CDHR1: variants seen among roughly 807,000 people sequenced by gnomAD.
CDHR1 encodes cadherin related family member 1.
Under a neutral mutation model 72.1 loss-of-function variants are expected in CDHR1, and 61 were observed. That is an observed-to-expected ratio of 0.85 (90% confidence interval 0.69 to 1.05). The LOEUF (loss-of-function observed/expected upper bound fraction) is 1.05. Ranked by LOEUF, CDHR1 falls within the 50% of genes least tolerant of loss-of-function variation. The probability of loss-of-function intolerance (pLI) is 0.00; values close to 1 mark genes in which losing one functional copy is unlikely to be tolerated. For synonymous variants in CDHR1, 470 were observed against 448.1 expected, an observed-to-expected ratio of 1.05 and a Z score of -0.62; for missense variants, 1,186 against 1,115.7, an observed-to-expected ratio of 1.06 and a Z score of -0.90.
At chr10:84,197,752 T>C in intron 3 of CDHR1, 34 bp from the exon 4 acceptor site, 1 of 1,605,324 alleles carries the variant, frequency 6.2e-7, no homozygotes, top group Non-Finnish European at 8.5e-7. Context: ...CGTGTCAGAC[T>C]CCTGGACACT....
In CDHR1 at chr10:84,216,450, G is replaced by T. The variant is rs1842427481; in HGVS notation, c.*1829G>T. On this transcript the variant is annotated 3_prime_UTR_variant, in exon 17 of 17. Coordinates refer to ENST00000623527, the MANE Select transcript of CDHR1 (RefSeq NM_033100.4). ...GCTGGATCATGCTTGCCCTCCACAG[G>T]GAATACAGCATCCTTACAGCTTGCA... is the stretch of plus-strand genomic sequence containing the variant. 1.0e-6 allele frequency: 1 copy of T among 985,330 alleles called. No homozygotes were observed. Among genetic ancestry groups the T allele is most frequent in the Non-Finnish European group, 1.2e-6 (1 of 829,948 alleles). 61.0% of individuals were successfully genotyped at this position (985,330 alleles called of 1,614,324 possible). A position where few individuals can be genotyped will look rare whatever the true frequency, so the allele number is the denominator to read the frequency against.
rs147597566 is a variant in CDHR1, at chr10:84,196,590, C to A, written c.237C>A (p.Ser79Arg). 10 of 1,614,194 alleles carry A rather than the reference C, an allele frequency of 6.2e-6. No individual in the cohort carries two copies. Among genetic ancestry groups the A allele is most frequent in the Middle Eastern group, 1.6e-4 (1 of 6,062 alleles). Residue 79 changes from serine to arginine, a missense_variant, in exon 3 of 17, where the codon AGC (serine) becomes AGA (arginine). Ser to Arg is a moderately radical substitution (Grantham distance 110). Transcript: ENST00000623527. ...TCAGCTTTGACCCCAGCACTAGAAG[C>A]GTCTTTTCTGTTGACCCCACTTTTG... ...YHISFDPSTRSVFSVDPTFGN... is the reference protein window; with the variant it reads ...YHISFDPSTRRVFSVDPTFGN...
At chr10:84,219,593 A>G (rs573849811), downstream of CDHR1, 7 of 248,576 alleles carry the variant, frequency 2.8e-5, no homozygotes, top group South Asian at 1.1e-3. Flanking sequence ...TAATAAAGAT[A>G]CCCGAGACTG....
rs761331390 is a variant in CDHR1, at chr10:84,196,529, G to A, written c.176G>A (p.Gly59Glu). Residue 59 changes from glycine (G) to glutamate (E), a missense_variant, in exon 3 of 17, where the codon GGG (glycine) becomes GAG (glutamate). Physicochemically the swap from Gly to Glu is moderately conservative, Grantham distance 98 (BLOSUM62 -2). Coordinates refer to ENST00000623527, the MANE Select transcript of CDHR1 (RefSeq NM_033100.4). ...PVGSHVYTLN[G>E]TDPEGDPISY... ...GGCTCTCACGTATACACCCTGAATG[G>A]GACAGACCCTGAGGGAGACCCCATC... 3 of 1,614,174 alleles carry A rather than the reference G, an allele frequency of 1.9e-6. No individual in the cohort carries two copies. The highest frequency in any genetic ancestry group is 4.5e-5 in the East Asian group (2 of 44,888).
chr10:84,198,225 C>T (rs961838802), intron 4 of CDHR1, among the ~76,000 whole-genome samples: 3 of 152,330 alleles, frequency 2.0e-5, no homozygotes, highest in Admixed American at 2.0e-4. Flanking sequence ...CTCAACAAAC[C>T]CCAGGGGCTC....
rs1322066674 is a variant in CDHR1 at position 84,214,373 on chromosome 10, T to G, written c.2332T>G (p.Cys778Gly). 1 of 1,614,116 alleles carries G rather than the reference T, an allele frequency of 6.2e-7. No individual in the cohort carries two copies. Among genetic ancestry groups the G allele is most frequent in the Admixed American group, 1.7e-5 (1 of 60,026 alleles). Residue 778 changes from cysteine to glycine, a missense_variant, in exon 17 of 17, where the codon TGT becomes GGT. Transcript: ENST00000623527. ...CAAAGAGAAACCTCCCAATGAGAAC[T>G]GTAACAACAACAGCCCAGAAAGCTC... is the stretch of plus-strand genomic sequence containing the variant. ...MLKEKPPNEN[C>G]NNNSPESSLL...
At chr10:84,195,001 T>C (rs2132783400) in intron 1 of CDHR1, among the ~76,000 whole-genome samples, 186 bp downstream of exon 1, 1 of 151,640 alleles carries the variant, frequency 6.6e-6, no homozygotes, top group East Asian at 2.0e-4. Flanking sequence ...GGTAGCGGAG[T>C]AGTGGGGAGC....
In CDHR1 at chr10:84,197,805, C is replaced by G; in HGVS notation, c.317C>G (p.Ala106Gly). 1 of 1,614,036 alleles carries G rather than the reference C, an allele frequency of 6.2e-7. No homozygotes were observed. The highest frequency in any genetic ancestry group is 1.1e-5 in the South Asian group (1 of 91,082). ...TCACAGAGGGAAGATGAGATTGAAG[C>G]CATCATCAGCATTTCTGATGGCCTG... ...LDREREDEIE[A>G]IISISDGLNL... The change falls in exon 4 of 17, where the codon GCC becomes GGC. Residue 106 changes from alanine to glycine, a missense_variant. Ala to Gly is a moderately conservative substitution (Grantham distance 60). Transcript: ENST00000623527.
At position 84,216,401 on chromosome 10, in the gene CDHR1, G is replaced by C. The variant is rs1842426870; in HGVS notation, c.*1780G>C. 3 of 985,402 alleles carry C rather than the reference G, an allele frequency of 3.0e-6. No homozygotes were observed. Among genetic ancestry groups the C allele is most frequent in the African/African-American group, 1.7e-5 (1 of 57,254 alleles). 61.0% of individuals were successfully genotyped at this position (985,402 alleles called of 1,614,324 possible). A position where few individuals can be genotyped will look rare whatever the true frequency, so the allele number is the denominator to read the frequency against. On this transcript the variant is annotated 3_prime_UTR_variant, in exon 17 of 17. Transcript: ENST00000623527. ...AGACTGAGCAAATAAGTACTTTCCAGCCTGTGTTTCAGGAGAGGACTGTGC... is the reference window on the plus strand; with the variant it reads ...AGACTGAGCAAATAAGTACTTTCCACCCTGTGTTTCAGGAGAGGACTGTGC...
At chr10:84,219,122 C>T (rs1842470561), downstream of CDHR1, 1 of 1,432,702 alleles carries the variant, frequency 7.0e-7, no homozygotes, top group Non-Finnish European at 9.6e-7. Context: ...TTCCCTGGTA[C>T]AACAAAGTCA....
Position 84,214,112 on chromosome 10 carries a change from C to T in CDHR1, c.2071C>T (p.Leu691=), listed in dbSNP as rs961395220. ...TLSRSPMAAF[L]IQTKDNPMKA... ...CTCCCGGAGCCCCATGGCTGCCTTC[C>T]TGATACAGACCAAGGACAACCCCAT... Residue 691 remains leucine (L), a synonymous_variant, in exon 17 of 17, where the codon CTG becomes TTG. Coordinates refer to ENST00000623527, the MANE Select transcript of CDHR1 (RefSeq NM_033100.4). 6.2e-7 allele frequency: 1 copy of T among 1,614,094 alleles called. No homozygotes were observed.
intron 11 of CDHR1, 92 bp from the exon 12 acceptor site, chr10:84,208,636 CA>C: frequency 7.6e-7 from 1 of 1,321,896 alleles, no homozygotes; most frequent in Non-Finnish European, 1.1e-6. Context: ...TAATATCTCC[CA>C]GGGTTAAGGG....
chr10:84,218,966 G>T, downstream of CDHR1: 1 of 562,616 alleles, frequency 1.8e-6, no homozygotes, highest in Admixed American at 3.7e-5. Flanking sequence ...AACTTTGTAT[G>T]TTAAAAAAAA....
rs1842366382 is a variant in CDHR1 at position 84,213,155 on chromosome 10, C to T, written c.1847C>T (p.Pro616Leu). The change falls in exon 16 of 17, where the codon CCC (proline) becomes CTC (leucine). Residue 616 changes from proline (P) to leucine (L), a missense_variant. Coordinates refer to ENST00000623527, the MANE Select transcript of CDHR1 (RefSeq NM_033100.4). ...LVDYSITHAE[P>L]ANVFDINSHT... The stretch of plus-strand genomic sequence containing the variant: ...GACTATTCCATCACCCATGCAGAGC[C>T]CGCCAACGTGTTCGACATCAATTCC... 3.1e-6 allele frequency: 5 copies of T among 1,614,218 alleles called. No individual in the cohort carries two copies. The highest frequency in any genetic ancestry group is 4.2e-6 in the Non-Finnish European group (5 of 1,180,044).
chr10:84,209,710 A>G (rs1205567282), intron 12 of CDHR1, among the ~76,000 whole-genome samples: 1 of 152,172 alleles, frequency 6.6e-6, no homozygotes, highest in African/African-American at 2.4e-5. Context: ...AAGTTAATGC[A>G]CAAAATCCAG....
chr10:84,197,530 C>T (rs1026951836), intron 3 of CDHR1, among the ~76,000 whole-genome samples: 9 of 152,174 alleles, frequency 5.9e-5, no homozygotes, highest in Non-Finnish European at 1.0e-4. Context: ...GTTGGAGCCC[C>T]AACAGACCCT....
At chr10:84,197,427 G>A (rs145567154) in intron 3 of CDHR1, among the ~76,000 whole-genome samples, 8 of 152,280 alleles carry the variant, frequency 5.3e-5, no homozygotes, top group African/African-American at 9.6e-5. Context: ...GAGAAAAGGG[G>A]AGAAAAGGGA....
In CDHR1 at chr10:84,211,147, C is replaced by A; in HGVS notation, c.1467C>A (p.Ser489=). 6.2e-7 allele frequency: 1 copy of A among 1,614,220 alleles called. No individual in the cohort carries two copies. Among genetic ancestry groups the A allele is most frequent in the South Asian group, 1.1e-5 (1 of 91,092 alleles). The change falls in exon 13 of 17, where the codon TCC becomes TCA. Residue 489 remains serine (S), a synonymous_variant. Coordinates refer to ENST00000623527, the MANE Select transcript of CDHR1 (RefSeq NM_033100.4). ...TTCCTGAGAACGCCCCAGGGGGCTC[C>A]AGCGTGGTGGCTGTCACAGTGGGTT... ...ARIPENAPGG[S]SVVAVTAVDP...
In CDHR1 at chr10:84,213,258, C is replaced by T. The variant is rs137996315; in HGVS notation, c.1950C>T (p.Cys650=). 5.0e-6 allele frequency: 8 copies of T among 1,614,092 alleles called. No homozygotes were observed. The highest frequency in any genetic ancestry group is 6.8e-6 in the Non-Finnish European group (8 of 1,180,022). Reference sequence around the variant, plus strand: ...ACAACATCACACCTGGAAGGGACTGCCTATGGTCCCTAGAGGTGCAGGCCA... The same window carrying T: ...ACAACATCACACCTGGAAGGGACTGTCTATGGTCCCTAGAGGTGCAGGCCA... ...ALHNITPGRD[C]LWSLEVQAKD... Residue 650 remains cysteine (C), a synonymous_variant, in exon 16 of 17, where the codon TGC becomes TGT. Coordinates refer to ENST00000623527, the MANE Select transcript of CDHR1 (RefSeq NM_033100.4).
Sources: allele counts gnomAD v4.1 joint callset (sites outside exome capture counted in the v4.1 genomes callset), GRCh38; gene constraint gnomAD v4.1.1; transcripts MANE v1.5; gene names NCBI Gene and HGNC (gene_info 2026-07-23, HGNC 2026-07-21).